Variants in AHNAK2 observed in about 807,000 individuals in gnomAD.
AHNAK2 encodes the protein protein AHNAK2.
AHNAK2 carries 18 observed loss-of-function variants against 30.7 expected under a neutral mutation model. The observed-to-expected ratio is 0.59, with a 90% CI of 0.41 to 0.87. AHNAK2 has a LOEUF of 0.87. AHNAK2 is among the 40% of genes least tolerant of loss of function. AHNAK2 has a pLI of 0.00. For synonymous variants in AHNAK2, 3,590 were observed against 3,073.8 expected, an observed-to-expected ratio of 1.17 and a Z score of -5.56; for missense variants, 8,604 against 7,373.0, an observed-to-expected ratio of 1.17 and a Z score of -6.11.
rs758021261 is a variant in AHNAK2 at position 104,957,385 on chromosome 14, G to GT, written c.213+24dup. The GT allele has an allele frequency of 2.4e-5, 38 of 1,555,612 alleles. No homozygotes were observed. In the African/African-American group the frequency reaches 5.0e-4, roughly 21 times the overall value. The stretch of plus-strand genomic sequence containing the variant: ...GATGCAGGAGGAGACCTGGGTGCCT[G>GT]TGGGGCTCTGCCCAGCAGGCTCACC... On this transcript the variant is annotated intron_variant, in intron 3 of 6. Transcript: ENST00000333244.
At chr14:104,970,545 C>A (rs568636410) in intron 1 of AHNAK2, 6 of 983,886 alleles carry the variant, frequency 6.1e-6, no homozygotes, top group Non-Finnish European at 7.2e-6. Context: ...CTTCCCTCCA[C>A]AGCTCCTCCC....
intron 1 of AHNAK2, among the ~76,000 whole-genome samples, chr14:104,975,113 G>C (rs1365720083): frequency 3.9e-5 from 6 of 152,222 alleles, no homozygotes; most frequent in Admixed American, 2.6e-4. Context: ...ATGGAGAGAA[G>C]GCAATGAGGG....
intron 1 of AHNAK2, among the ~76,000 whole-genome samples, chr14:104,967,608 C>A (rs901361199): frequency 6.6e-6 from 1 of 152,240 alleles, no homozygotes; most frequent in Non-Finnish European, 1.5e-5. Context: ...CCTCAGCCAC[C>A]GCACTGGGAG....
chr14:104,939,602 G>C lies in AHNAK2; in HGVS notation c.15849C>G (p.Ser5283=). The change falls in exon 7 of 7, where the codon TCC becomes TCG. Residue 5283 remains serine (S), a synonymous_variant. Transcript: ENST00000333244. ...GCTCATCCCCAGTCATCCCAGCAGT[G>C]GAGAGGTGCAGCTTCAAGCCTGTGC... is the stretch of plus-strand genomic sequence containing the variant. ...LDSTGLKLHL[S]TAGMTGDELS... is the part of the protein sequence containing the mutation. 6.2e-7 allele frequency: 1 copy of C among 1,613,838 alleles called. No individual in the cohort carries two copies. The highest frequency in any genetic ancestry group is 8.5e-7 in the Non-Finnish European group (1 of 1,179,868).
In AHNAK2 at chr14:104,957,467, C is replaced by G. The variant is rs45455498; in HGVS notation, c.156G>C (p.Pro52=). 1.2e-6 allele frequency: 2 copies of G among 1,601,942 alleles called. No individual in the cohort carries two copies. The highest frequency in any genetic ancestry group is 1.7e-6 in the Non-Finnish European group (2 of 1,172,330). Residue 52 remains proline, a synonymous_variant, in exon 3 of 7, where the codon CCG becomes CCC. Transcript: ENST00000333244. ...ATTCGTAGACAGGTGAAGACCCCTG[C>G]GGCCGTGGTCGAATGCCCTCATCCG... is the stretch of plus-strand genomic sequence containing the variant. The part of the protein sequence containing the change: ...GPADEGIRPR[P]QGSSPVYEYT...
At position 104,950,048 on chromosome 14, in the gene AHNAK2, G is replaced by A. The variant is rs200413532; in HGVS notation, c.5403C>T (p.Asp1801=). The A allele has an allele frequency of 1.7e-4, 277 of 1,583,168 alleles. 36 individuals are homozygous for A. The African/African-American group carries it at 2.0e-3, about 11-fold the overall frequency. Residue 1801 remains aspartate (D), a synonymous_variant, in exon 7 of 7, where the codon GAC becomes GAT. Coordinates refer to ENST00000333244, the MANE Select transcript of AHNAK2 (RefSeq NM_138420.4). ...ACAGGTCACCCTCCAGCCGCACACT[G>A]TCCAGCTTGGCTCCTGGAGCCTCGA... is the stretch of plus-strand genomic sequence containing the variant. ...VDVEAPGAKL[D]SVRLEGDLSL...
Position 104,953,360 on chromosome 14 carries a change from C to T in AHNAK2, c.2091G>A (p.Ser697=), listed in dbSNP as rs188074688. 2.6e-4 allele frequency: 426 copies of T among 1,613,800 alleles called. 1 individual carries two copies. The African/African-American group carries it at 5.1e-3, about 19-fold the overall frequency. The change falls in exon 7 of 7, where the codon TCG becomes TCA. Residue 697 remains serine (S), a synonymous_variant. Transcript: ENST00000333244. ...ASAPGKSMEA[S]VDVSAPKVEA... ...CCACCTTCGGCGCAGACACATCCAC[C>T]GAGGCCTCCATGGACTTGCCTGGGG...
At position 104,945,340 on chromosome 14, in the gene AHNAK2, G is replaced by C; in HGVS notation, c.10111C>G (p.Gln3371Glu). The C allele has an allele frequency of 1.9e-6, 3 of 1,612,752 alleles. No individual in the cohort carries two copies. In the African/African-American group the frequency reaches 4.0e-5, roughly 22 times the overall value. The change falls in exon 7 of 7, where the codon CAG (glutamine) becomes GAG (glutamate). Residue 3371 changes from glutamine to glutamate, a missense_variant. Coordinates refer to ENST00000333244, the MANE Select transcript of AHNAK2 (RefSeq NM_138420.4). ...CCCTCCGGGAGCTTCACGTCCACCT[G>C]GCCAGCCTGGACCTCCAGGTCCACA... ...PSVDLEVQAG[Q>E]VDVKLPEGHV...
chr14:104,960,188 C>T (rs1409734425), intron 1 of AHNAK2, among the ~76,000 whole-genome samples: 1 of 152,080 alleles, frequency 6.6e-6, no homozygotes, highest in Non-Finnish European at 1.5e-5. Context: ...TATATAGATA[C>T]AGTATATACG....
At position 104,948,124 on chromosome 14, in the gene AHNAK2, C is replaced by T; in HGVS notation, c.7327G>A (p.Glu2443Lys). The T allele has an allele frequency of 6.2e-7, 1 of 1,612,626 alleles. No homozygotes were observed. The highest frequency in any genetic ancestry group is 8.5e-7 in the Non-Finnish European group (1 of 1,179,646). ...ACCTCCACGCTGGGCTGAGACACCT[C>T]CACGTCGGGGGCCATCACGTCCGTC... Reference protein sequence around the residue: ...PKTDVMAPDVEVSQPSVEVDV... With the variant: ...PKTDVMAPDVKVSQPSVEVDV... The change falls in exon 7 of 7, where the codon GAG (glutamate) becomes AAG (lysine). Residue 2443 changes from glutamate to lysine, a missense_variant. By Grantham distance (56) the Glu-to-Lys change is moderately conservative. Coordinates refer to ENST00000333244, the MANE Select transcript of AHNAK2 (RefSeq NM_138420.4).
At position 104,945,109 on chromosome 14, in the gene AHNAK2, C is replaced by G. The variant is rs1182013735; in HGVS notation, c.10342G>C (p.Ala3448Pro). Reference sequence around the variant, plus strand: ...TCCAGCCGCGCACCATCCAGCTTGGCTCTCGGGGCCTGGACGTCCACCTCC... The same window carrying G: ...TCCAGCCGCGCACCATCCAGCTTGGGTCTCGGGGCCTGGACGTCCACCTCC... ...SVEVDVQAPR[A>P]KLDGARLEGD... The change falls in exon 7 of 7, where the codon GCC becomes CCC. Residue 3448 changes from alanine to proline, a missense_variant. By Grantham distance (27) the Ala-to-Pro change is conservative. Coordinates refer to ENST00000333244, the MANE Select transcript of AHNAK2 (RefSeq NM_138420.4). 2 of 1,613,232 alleles carry G rather than the reference C, an allele frequency of 1.2e-6. No homozygotes were observed. The highest frequency in any genetic ancestry group is 1.7e-6 in the Non-Finnish European group (2 of 1,179,720).
intron 1 of AHNAK2, 29 bp downstream of exon 1, chr14:104,978,154 G>A: frequency 8.3e-7 from 1 of 1,209,510 alleles, no homozygotes; most frequent in Non-Finnish European, 1.0e-6. Context: ...CGCCCCAGGG[G>A]AGCGGGCTGC....
intron 1 of AHNAK2, among the ~76,000 whole-genome samples, chr14:104,958,037 C>T (rs1365286270): frequency 6.6e-6 from 1 of 152,196 alleles, no homozygotes; most frequent in African/African-American, 2.4e-5. Context: ...CAAAAAATTA[C>T]AAGTTACGCG....
At position 104,946,969 on chromosome 14, in the gene AHNAK2, G is replaced by C. The variant is rs771776759; in HGVS notation, c.8482C>G (p.Pro2828Ala). The C allele has an allele frequency of 3.8e-5, 61 of 1,612,500 alleles. No individual in the cohort carries two copies. Among genetic ancestry groups the C allele is most frequent in the Non-Finnish European group, 4.8e-5 (57 of 1,179,652 alleles). Residue 2828 changes from proline to alanine, a missense_variant, in exon 7 of 7, where the codon CCA (proline) becomes GCA (alanine). Transcript: ENST00000333244. ...ACCGAGGCCTCGATGGACTTGCCTG[G>C]GGCCGACACCCCGAATGACGGCATC... The part of the protein sequence containing the change: ...FKMPSFGVSA[P>A]GKSIEASVDV...
intron 1 of AHNAK2, 137 bp from the exon 2 acceptor site, chr14:104,957,809 C>CA: frequency 1.1e-6 from 1 of 877,170 alleles, no homozygotes; most frequent in Admixed American, 2.2e-5. Context: ...AGAGCAAACT[C>CA]AGGGGCTGGG....
intron 3 of AHNAK2, 61 bp downstream of exon 3, chr14:104,957,349 C>T: frequency 2.1e-6 from 3 of 1,462,828 alleles, no homozygotes; most frequent in South Asian, 2.5e-5. Flanking sequence ...CGTGAGTTGC[C>T]CACACAGGGC....
Position 104,938,815 on chromosome 14 carries a change from C to T in AHNAK2, c.16636G>A (p.Glu5546Lys). 1.2e-6 allele frequency: 2 copies of T among 1,613,946 alleles called. No individual in the cohort carries two copies. Among genetic ancestry groups the T allele is most frequent in the Non-Finnish European group, 1.7e-6 (2 of 1,179,878 alleles). ...TTMTQHSRTQ[E>K]GTEEAPIQAT... Reference sequence around the variant, plus strand: ...TGTATGGGAGCCTCTTCTGTGCCCTCCTGAGTCCTAGAGTGTTGAGTCATT... The same window carrying T: ...TGTATGGGAGCCTCTTCTGTGCCCTTCTGAGTCCTAGAGTGTTGAGTCATT... The change falls in exon 7 of 7, where the codon GAG becomes AAG. Residue 5546 changes from glutamate to lysine, a missense_variant. Glu to Lys is a moderately conservative substitution (Grantham distance 56). Coordinates refer to ENST00000333244, the MANE Select transcript of AHNAK2 (RefSeq NM_138420.4).
At position 104,952,318 on chromosome 14, in the gene AHNAK2, C is replaced by T; in HGVS notation, c.3133G>A (p.Asp1045Asn). ...GTAGAAGCAGGCTGAATGCTGAGGT[C>T]AGTGGTCTTCAGGTCCCCCTGCATG... ...PSMQGDLKTT[D>N]LSIQPASTDL... Residue 1045 changes from aspartate (D) to asparagine (N), a missense_variant, in exon 7 of 7, where the codon GAC becomes AAC. Coordinates refer to ENST00000333244, the MANE Select transcript of AHNAK2 (RefSeq NM_138420.4). 1.2e-6 allele frequency: 2 copies of T among 1,611,796 alleles called. No homozygotes were observed. The highest frequency in any genetic ancestry group is 1.7e-6 in the Non-Finnish European group (2 of 1,178,886).
In AHNAK2 at chr14:104,949,216, A is replaced by C; in HGVS notation, c.6235T>G (p.Leu2079Val). 1 of 1,070,640 alleles carries C rather than the reference A, an allele frequency of 9.3e-7. No individual in the cohort carries two copies. The highest frequency in any genetic ancestry group is 1.4e-5 in the African/African-American group (1 of 70,846). The allele number at this position is 1,070,640 out of a possible 1,614,324, so 66.3% of individuals were successfully genotyped here. A position where few individuals can be genotyped will look rare whatever the true frequency, so the allele number is the denominator to read the frequency against. ...TTGAGGTCCACTTTGGGCATCTTCA[A>C]ACTGGGCATCTCCACCTTGGGCAGG... ...GHLPKVEMPS[L>V]KMPKVDLKGP... is the part of the protein sequence containing the mutation. The change falls in exon 7 of 7, where the codon TTG becomes GTG. Residue 2079 changes from leucine (L) to valine (V), a missense_variant. Physicochemically the swap from Leu to Val is conservative, Grantham distance 32. Coordinates refer to ENST00000333244, the MANE Select transcript of AHNAK2 (RefSeq NM_138420.4).
Sources: gnomAD v4.1 joint callset for allele counts (sites outside exome capture counted in the v4.1 genomes callset) on GRCh38, gnomAD v4.1.1 for gene constraint, MANE v1.5 for transcripts, NCBI Gene and HGNC (gene_info 2026-07-23, HGNC 2026-07-21) for gene names.